Variants in MAP3K13 observed in about 807,000 individuals in gnomAD.
MAP3K13 encodes the protein leucine zipper-bearing kinase.
A neutral mutation model predicts 104.0 loss-of-function variants in MAP3K13; 52 were observed. That is an observed-to-expected ratio of 0.50 (90% CI 0.40 to 0.63). The LOEUF is 0.63. MAP3K13 is among the 20% of genes least tolerant of loss of function. The probability of loss-of-function intolerance (pLI) is 0.00; values close to 1 mark genes in which losing one functional copy is unlikely to be tolerated. For missense variants in MAP3K13, 914 were observed against 1,218.5 expected (o/e 0.75, Z 3.72); for synonymous variants, 394 against 442.2 (o/e 0.89, Z 1.37).
At chr3:185,409,949 G>T (rs766977992) in intron 1 of MAP3K13, among the ~76,000 whole-genome samples, 6 of 152,174 alleles carry the variant, frequency 3.9e-5, no homozygotes, top group African/African-American at 2.4e-5. Context: ...GGAATGGTTT[G>T]AGGATGAAAC....
At chr3:185,376,338 G>A (rs1378441632) in intron 1 of MAP3K13, among the ~76,000 whole-genome samples, 1 of 152,198 alleles carries the variant, frequency 6.6e-6, no homozygotes, top group East Asian at 1.9e-4. Flanking sequence ...TATGAGAACT[G>A]TAGAGAGTGA....
intron 2 of MAP3K13, among the ~76,000 whole-genome samples, chr3:185,304,017 C>A (rs527457090): frequency 1.4e-4 from 22 of 152,148 alleles, no homozygotes; most frequent in Non-Finnish European, 2.4e-4. Context: ...GTATGTTGTG[C>A]TTTTGTTTTC....
intron 1 of MAP3K13, among the ~76,000 whole-genome samples, chr3:185,377,034 A>C (rs1163047560): frequency 6.6e-6 from 1 of 152,062 alleles, no homozygotes. Flanking sequence ...AGAATAGAAT[A>C]CTGGGTTGTG....
chr3:185,299,246 T>G (rs1325174845), intron 2 of MAP3K13, among the ~76,000 whole-genome samples: 2 of 152,196 alleles, frequency 1.3e-5, no homozygotes, highest in Non-Finnish European at 2.9e-5. Context: ...GAAACTGTGT[T>G]ACCTTTGGCA....
At position 185,487,108 on chromosome 3, in the gene MAP3K13, C is replaced by T. The variant is rs1192718069; in HGVS notation, c.*4652C>T. 1.3e-5 allele frequency: 2 copies of T among 152,086 alleles called. No homozygotes were observed. The highest frequency in any genetic ancestry group is 4.8e-5 in the African/African-American group (2 of 41,394). The allele number at this position is 152,086 out of a possible 1,614,324, so 9.4% of individuals were successfully genotyped here. A position where few individuals can be genotyped will look rare whatever the true frequency, so the allele number is the denominator to read the frequency against. ...CATCATGCTAAATTATTCCCCTCTC[C>T]TTTTCTAAATAATAGATGTGCTTGG... On this transcript the variant is annotated 3_prime_UTR_variant, in exon 14 of 14. Transcript: ENST00000265026.
At chr3:185,326,735 C>G (rs1722053632) in intron 2 of MAP3K13, among the ~76,000 whole-genome samples, 1 of 151,966 alleles carries the variant, frequency 6.6e-6, no homozygotes, top group African/African-American at 2.4e-5. Context: ...AATGAGGGTA[C>G]AGCTAGGCAC....
At chr3:185,393,709 C>T (rs6444065) in intron 1 of MAP3K13, among the ~76,000 whole-genome samples, 108,015 of 151,902 alleles carry the variant, frequency 0.71, 38,832 homozygotes, top group Non-Finnish European at 0.77. Context: ...CCACCCGCCT[C>T]GGCCTCCAAA....
chr3:185,337,785 A>G (rs1722565048), intron 2 of MAP3K13, among the ~76,000 whole-genome samples: 1 of 141,424 alleles, frequency 7.1e-6, no homozygotes, highest in African/African-American at 2.6e-5. Flanking sequence ...CTGTCTTTCC[A>G]TTGTCTGTCC....
intron 10 of MAP3K13, among the ~76,000 whole-genome samples, chr3:185,471,162 T>C (rs529105037): frequency 6.6e-6 from 1 of 152,276 alleles, no homozygotes; most frequent in East Asian, 1.9e-4. Flanking sequence ...TGGTGAAGGT[T>C]TCCTGGATTT....
chr3:185,287,914 G>A (rs148794335), intron 2 of MAP3K13, among the ~76,000 whole-genome samples: 2 of 152,166 alleles, frequency 1.3e-5, no homozygotes, highest in Non-Finnish European at 2.9e-5. Flanking sequence ...GCACATGCCT[G>A]TAATCCCAGC....
At chr3:185,414,052 G>A (rs914065171) in intron 1 of MAP3K13, among the ~76,000 whole-genome samples, 2 of 152,098 alleles carry the variant, frequency 1.3e-5, no homozygotes, top group Admixed American at 6.6e-5. Flanking sequence ...CAGTGTTGTG[G>A]TTAAGGGCTC....
chr3:185,421,728 G>A (rs1714144635), intron 1 of MAP3K13, among the ~76,000 whole-genome samples: 1 of 152,162 alleles, frequency 6.6e-6, no homozygotes, highest in African/African-American at 2.4e-5. Flanking sequence ...GGAACTGAGA[G>A]GGCAGAAGAC....
chr3:185,487,953 G>A lies in MAP3K13; in HGVS notation c.*5497G>A, dbSNP rs903604769. 3 of 152,162 alleles carry A rather than the reference G, an allele frequency of 2.0e-5. No homozygotes were observed. The highest frequency in any genetic ancestry group is 4.4e-5 in the Non-Finnish European group (3 of 68,036). The allele number at this position is 152,162 out of a possible 1,614,324, so 9.4% of individuals were successfully genotyped here. On this transcript the variant is annotated 3_prime_UTR_variant, in exon 14 of 14. Transcript: ENST00000265026. ...CTAGTGTCCACCTGTGGCTGTCAGG[G>A]GCGGTACCACAGAAAGGGGAAAGGC... is the stretch of plus-strand genomic sequence containing the variant.
intron 1 of MAP3K13, among the ~76,000 whole-genome samples, chr3:185,384,974 T>G (rs998371125): frequency 6.6e-6 from 1 of 152,222 alleles, no homozygotes; most frequent in Non-Finnish European, 1.5e-5. Context: ...TTCTATTTTT[T>G]GTTTACTGTG....
intron 10 of MAP3K13, among the ~76,000 whole-genome samples, chr3:185,468,462 CA>C (rs1282226067): frequency 6.6e-6 from 1 of 152,058 alleles, no homozygotes; most frequent in Non-Finnish European, 1.5e-5. Context: ...TTTTCCTTAC[CA>C]AACTCTGTAG....
intron 1 of MAP3K13, among the ~76,000 whole-genome samples, chr3:185,377,438 A>G (rs36120859): frequency 0.26 from 38,692 of 149,410 alleles, 5,085 homozygotes; most frequent in Admixed American, 0.31. Context: ...TTTGAACTGG[A>G]GAAAAGGGCG....
At chr3:185,347,243 C>T in intron 2 of MAP3K13, among the ~76,000 whole-genome samples, 1 of 152,066 alleles carries the variant, frequency 6.6e-6, no homozygotes, top group East Asian at 1.9e-4. Flanking sequence ...CCTCAGCCTC[C>T]CAAAGTGCTG....
intron 2 of MAP3K13, among the ~76,000 whole-genome samples, chr3:185,317,389 T>C (rs986371640): frequency 6.6e-6 from 1 of 152,218 alleles, no homozygotes; most frequent in Admixed American, 6.5e-5. Context: ...GTTTCATACT[T>C]GGCTCATGCT....
In MAP3K13 at chr3:185,423,703, A is replaced by C. The variant is rs1714260909; in HGVS notation, c.-85-4794A>C. 6.6e-6 allele frequency among the ~76,000 whole-genome samples: 1 copy of C among 152,194 alleles called. No individual in the cohort carries two copies. Among genetic ancestry groups the C allele is most frequent in the Admixed American group, 6.5e-5 (1 of 15,278 alleles). On this transcript the variant is annotated intron_variant, in intron 1 of 13. Transcript: ENST00000265026. This position sits in a 1 kb window ranked among gnomAD's most constrained non-coding sequence, Gnocchi z 4.1. ...TCTTAACCTAACCCCGTCCAGTTAA[A>C]GTGATCTCTCTGGTTTGTTAGGAGG...
Sources: gnomAD v4.1 joint callset for allele counts (sites outside exome capture counted in the v4.1 genomes callset) on GRCh38, gnomAD v4.1.1 for gene constraint, Gnocchi (gnomAD v3.1) non-coding constraint, MANE v1.5 for transcripts, NCBI Gene and HGNC (gene_info 2026-07-23, HGNC 2026-07-21) for gene names.